The following TMEM178B variants were observed in gnomAD, a reference collection of about 807,000 sequenced individuals.
TMEM178B encodes the protein transmembrane protein 178B.
In TMEM178B, 5 loss-of-function variants were observed where a neutral mutation model predicts 31.0. That is an observed-to-expected ratio of 0.16 (90% CI 0.08 to 0.34). TMEM178B has a LOEUF of 0.34. Among genes scored for constraint, TMEM178B ranks in the 10% least tolerant of loss-of-function variants. The pLI is 1.00. For missense variants in TMEM178B, 275 were observed against 400.3 expected (o/e 0.69, Z 2.67); for synonymous variants, 164 against 164.0 (o/e 1.00, Z 0.00).
chr7:141,229,526 A>G (rs551278206), intron 2 of TMEM178B, among the ~76,000 whole-genome samples: 1 of 152,152 alleles, frequency 6.6e-6, no homozygotes, highest in Non-Finnish European at 1.5e-5. Context: ...GGCTTATTTT[A>G]TTTCTCCTGA....
intron 2 of TMEM178B, among the ~76,000 whole-genome samples, chr7:141,393,620 C>T (rs1162091695): frequency 6.6e-6 from 1 of 152,124 alleles, no homozygotes; most frequent in Non-Finnish European, 1.5e-5. Context: ...AGCAGCTGCT[C>T]CAAAGAGAAA....
At chr7:141,417,156 A>G (rs1801113922) in intron 2 of TMEM178B, among the ~76,000 whole-genome samples, 1 of 152,194 alleles carries the variant, frequency 6.6e-6, no homozygotes, top group Non-Finnish European at 1.5e-5. Context: ...CTCATCATCC[A>G]GGAGAGACAC....
At chr7:141,511,105 T>C in the TMEM178B span, among the ~76,000 whole-genome samples, 1 of 151,708 alleles carries the variant, frequency 6.6e-6, no homozygotes, top group Non-Finnish European at 1.5e-5. Flanking sequence ...AAATTGTGCA[T>C]TTTTAACCCA....
intron 2 of TMEM178B, among the ~76,000 whole-genome samples, chr7:141,238,299 G>GGGCA (rs1346019476): frequency 1.3e-5 from 2 of 152,100 alleles, no homozygotes; most frequent in African/African-American, 2.4e-5. Context: ...GGAGAAAAAG[G>GGGCA]GGCAGCTCAG....
chr7:141,496,664 C>A, the TMEM178B span, among the ~76,000 whole-genome samples: 1 of 102,468 alleles, frequency 9.8e-6, no homozygotes. Flanking sequence ...AGCGAGACTC[C>A]GTCTCAAAAA....
At position 141,374,378 on chromosome 7, in the gene TMEM178B, G is replaced by GCA. The variant is rs148202767; in HGVS notation, c.497-63215_497-63214dup. On this transcript the variant is annotated intron_variant, in intron 2 of 3. Coordinates refer to ENST00000565468, the MANE Select transcript of TMEM178B (RefSeq NM_001195278.2). ...AATACTTATTTAGGCACACACACAT[G>GCA]CACACACACACACACAGATACGCAG... Among the ~76,000 whole-genome samples the GCA allele has an allele frequency of 5.6e-4, 84 of 150,596 alleles. 1 individual carries two copies. In the South Asian group the frequency reaches 6.9e-3, roughly 12 times the overall value.
At chr7:141,113,529 ACAGAATGACCAGT>A (rs1795269067) in intron 1 of TMEM178B, among the ~76,000 whole-genome samples, 1 of 152,138 alleles carries the variant, frequency 6.6e-6, no homozygotes, top group Non-Finnish European at 1.5e-5. Flanking sequence ...ATCCTTTCAG[ACAGAATGACCAGT>A]CAGAATGACC....
chr7:141,146,311 T>C (rs1795849130), intron 1 of TMEM178B, among the ~76,000 whole-genome samples: 1 of 152,208 alleles, frequency 6.6e-6, no homozygotes, highest in South Asian at 2.1e-4. Context: ...GCTGCTTTCC[T>C]GGAGGAAGAA....
rs188594296 is a variant in TMEM178B at position 141,223,084 on chromosome 7, G to C, written c.496+10380G>C. On this transcript the variant is annotated intron_variant, in intron 2 of 3. Transcript: ENST00000565468. ...TTGAGGGGAACCAAAAGACTCGCCTGTCTAGCCCGGCCCTGCCTTCCGTTT... is the reference window on the plus strand; with the variant it reads ...TTGAGGGGAACCAAAAGACTCGCCTCTCTAGCCCGGCCCTGCCTTCCGTTT... Among the ~76,000 whole-genome samples the C allele has an allele frequency of 3.9e-5, 6 of 152,318 alleles. No homozygotes were observed. The East Asian group carries it at 7.7e-4, about 20-fold the overall frequency.
At chr7:141,239,044 G>T (rs1011668702) in intron 2 of TMEM178B, among the ~76,000 whole-genome samples, 2 of 152,148 alleles carry the variant, frequency 1.3e-5, no homozygotes, top group Non-Finnish European at 2.9e-5. Context: ...TGCAGGAGCC[G>T]GTAGGAGCTA....
At chr7:141,212,875 T>C (rs1441284418) in intron 2 of TMEM178B, 171 bp downstream of exon 2, 1 of 543,238 alleles carries the variant, frequency 1.8e-6, no homozygotes, top group Non-Finnish European at 3.2e-6. Flanking sequence ...TGGTTTTGAT[T>C]GCATTATAAA....
At chr7:141,495,621 A>G in the TMEM178B span, among the ~76,000 whole-genome samples, 2 of 152,294 alleles carry the variant, frequency 1.3e-5, no homozygotes, top group East Asian at 3.9e-4. Context: ...ATACTTATAC[A>G]AAGATATTCA....
intron 2 of TMEM178B, among the ~76,000 whole-genome samples, chr7:141,279,103 G>T (rs557034786): frequency 6.6e-6 from 1 of 152,334 alleles, no homozygotes; most frequent in East Asian, 1.9e-4. Context: ...TATGCTGACC[G>T]TCGATGGGTC....
chr7:141,427,701 C>T (rs899666606), intron 2 of TMEM178B, among the ~76,000 whole-genome samples: 2 of 151,662 alleles, frequency 1.3e-5, no homozygotes, highest in East Asian at 1.9e-4. Context: ...CAAAAATCAA[C>T]GAATGGGATC....
At chr7:141,372,174 C>G (rs1800129724) in intron 2 of TMEM178B, among the ~76,000 whole-genome samples, 1 of 152,168 alleles carries the variant, frequency 6.6e-6, no homozygotes, top group African/African-American at 2.4e-5. Flanking sequence ...GCCAAGTCAC[C>G]AATGACTTCC....
At position 141,448,860 on chromosome 7, in the gene TMEM178B, A is replaced by G. The variant is rs78597525; in HGVS notation, c.634+11115A>G. Reference sequence around the variant, plus strand: ...TCTTCTCTGGGGTGGAAATCACTAAACTGTGCTGAGTTGGGGTCCGTTGCT... The same window carrying G: ...TCTTCTCTGGGGTGGAAATCACTAAGCTGTGCTGAGTTGGGGTCCGTTGCT... On this transcript the variant is annotated intron_variant, in intron 3 of 3. Coordinates refer to ENST00000565468, the MANE Select transcript of TMEM178B (RefSeq NM_001195278.2). Among the ~76,000 whole-genome samples the G allele has an allele frequency of 2.7e-3, 412 of 152,220 alleles. 4 individuals carry two copies. The East Asian group carries it at 0.034, about 12-fold the overall frequency.
intron 1 of TMEM178B, among the ~76,000 whole-genome samples, chr7:141,138,721 G>T (rs969743698): frequency 1.3e-5 from 2 of 152,038 alleles, no homozygotes; most frequent in Non-Finnish European, 2.9e-5. Context: ...GGTGGCTCAC[G>T]CCTGTAATCC....
chr7:141,257,602 C>A (rs1040625797), intron 2 of TMEM178B, among the ~76,000 whole-genome samples: 2 of 152,196 alleles, frequency 1.3e-5, no homozygotes, highest in Non-Finnish European at 2.9e-5. Context: ...AAACTCCCCT[C>A]TGACAGTTTC....
chr7:141,492,021 G>A, the TMEM178B span, among the ~76,000 whole-genome samples: 3 of 152,298 alleles, frequency 2.0e-5, no homozygotes, highest in East Asian at 5.8e-4. Context: ...ATGGCCTGCT[G>A]TTGTACCAAG....
Sources: gnomAD v4.1 joint callset for allele counts (sites outside exome capture counted in the v4.1 genomes callset) on GRCh38, gnomAD v4.1.1 for gene constraint, MANE v1.5 for transcripts, NCBI Gene and HGNC (gene_info 2026-07-23, HGNC 2026-07-21) for gene names.